Variants in PHLPP2 observed in about 807,000 individuals in gnomAD.
PHLPP2 encodes PH domain leucine-rich repeat-containing protein phosphatase 2.
A neutral mutation model predicts 124.9 loss-of-function variants in PHLPP2; 66 were observed. That is an observed-to-expected ratio of 0.53 (90% CI 0.43 to 0.65). The LOEUF (loss-of-function observed/expected upper bound fraction) is 0.65. Ranked by LOEUF, PHLPP2 falls within the 30% of genes least tolerant of loss-of-function variation. PHLPP2 has a pLI of 0.00. For synonymous variants in PHLPP2, 681 were observed against 624.7 expected (o/e 1.09, Z -1.34); for missense variants, 1,685 against 1,600.4 (o/e 1.05, Z -0.90).
Position 71,649,706 on chromosome 16 carries a change from A to C in PHLPP2, c.3156T>G (p.Pro1052=), listed in dbSNP as rs775530751. Residue 1052 remains proline, a synonymous_variant, in exon 19 of 19, where the codon CCT becomes CCG. Coordinates refer to ENST00000568954, the MANE Select transcript of PHLPP2 (RefSeq NM_015020.3). ...TAGTGGTGGTTGAAGCAAATCCCAC[A>C]GGACCTGGGAGGGTGAGCCCATTCA... The part of the protein sequence containing the change: ...CEMNGLTLPG[P]VGFASTTTIK... The C allele has an allele frequency of 6.2e-7, 1 of 1,614,204 alleles. No individual in the cohort carries two copies. The highest frequency in any genetic ancestry group is 8.5e-7 in the Non-Finnish European group (1 of 1,180,006).
intron 16 of PHLPP2, 96 bp from the exon 17 acceptor site, chr16:71,655,530 T>C: frequency 2.4e-6 from 2 of 823,724 alleles, no homozygotes; most frequent in South Asian, 1.8e-5. Context: ...TGAGAGGGAG[T>C]CTTGCACTGT....
At chr16:71,722,164 G>A (rs1009070895) in intron 1 of PHLPP2, among the ~76,000 whole-genome samples, 3 of 152,128 alleles carry the variant, frequency 2.0e-5, no homozygotes, top group African/African-American at 4.8e-5. Flanking sequence ...GGGCGTGGTG[G>A]CTCATCCTTG....
chr16:71,648,694 C>A lies in PHLPP2; in HGVS notation c.*196G>T. ...GGCTGAGACAGGAGAATGGCTTGAA[C>A]CCAGGGACAGAGGCTGCAGTGACCC... On this transcript the variant is annotated 3_prime_UTR_variant, in exon 19 of 19. Coordinates refer to ENST00000568954, the MANE Select transcript of PHLPP2 (RefSeq NM_015020.3). 1 of 570,358 alleles carries A rather than the reference C, an allele frequency of 1.8e-6. No individual in the cohort carries two copies. Among genetic ancestry groups the A allele is most frequent in the Non-Finnish European group, 3.1e-6 (1 of 321,894 alleles). The allele number at this position is 570,358 out of a possible 1,614,324, so 35.3% of individuals were successfully genotyped here. A position where few individuals can be genotyped will look rare whatever the true frequency, so the allele number is the denominator to read the frequency against.
chr16:71,720,914 G>T (rs2045394518), intron 1 of PHLPP2, among the ~76,000 whole-genome samples: 3 of 151,358 alleles, frequency 2.0e-5, no homozygotes, highest in Admixed American at 2.0e-4. Context: ...TTAGGTAGAA[G>T]ATGTTTCTGC....
intron 17 of PHLPP2, 167 bp downstream of exon 17, chr16:71,655,073 C>T (rs1491003974): frequency 1.8e-6 from 1 of 561,006 alleles, no homozygotes; most frequent in East Asian, 2.8e-5. Flanking sequence ...TTGAAAGAGC[C>T]GAAGTCCCCG....
intron 9 of PHLPP2, among the ~76,000 whole-genome samples, chr16:71,674,104 C>T (rs1387911912): frequency 2.8e-5 from 4 of 144,252 alleles, no homozygotes; most frequent in African/African-American, 1.0e-4. Context: ...TGAGATGGAG[C>T]TTTGCTCTTG....
At position 71,647,417 on chromosome 16, in the gene PHLPP2, A is replaced by G. The variant is rs1317823961; in HGVS notation, c.*1473T>C. 6.6e-6 allele frequency: 1 copy of G among 152,636 alleles called. No homozygotes were observed. The highest frequency in any genetic ancestry group is 1.5e-5 in the Non-Finnish European group (1 of 68,030). 9.5% of individuals were successfully genotyped at this position (152,636 alleles called of 1,614,324 possible). A position where few individuals can be genotyped will look rare whatever the true frequency, so the allele number is the denominator to read the frequency against. On this transcript the variant is annotated 3_prime_UTR_variant, in exon 19 of 19. Coordinates refer to ENST00000568954, the MANE Select transcript of PHLPP2 (RefSeq NM_015020.3). The stretch of plus-strand genomic sequence containing the variant: ...CACATAAAGTGAATATGCAGTTTTC[A>G]GAAGAGTACACTGTTCAACATTCAA...
intron 4 of PHLPP2, among the ~76,000 whole-genome samples, chr16:71,688,284 T>C (rs542823902): frequency 2.0e-5 from 3 of 152,348 alleles, no homozygotes; most frequent in Admixed American, 1.3e-4. Flanking sequence ...ATTGCTACCC[T>C]GAACAAAATT....
At chr16:71,701,306 ATCTATCTATATATC>A in intron 3 of PHLPP2, among the ~76,000 whole-genome samples, 1 of 89,694 alleles carries the variant, frequency 1.1e-5, no homozygotes, top group African/African-American at 4.5e-5. Flanking sequence ...CTATCTATCT[ATCTATCTATATATC>A]TATCTACCTA....
intron 3 of PHLPP2, among the ~76,000 whole-genome samples, 200 bp downstream of exon 3, chr16:71,702,396 TAA>T (rs2045240773): frequency 6.6e-6 from 1 of 152,112 alleles, no homozygotes; most frequent in South Asian, 2.1e-4. Context: ...TGAGCAAAAA[TAA>T]AAAGAGAAGA....
chr16:71,684,125 C>CTTTTT (rs397816254), intron 5 of PHLPP2, among the ~76,000 whole-genome samples: 1 of 118,836 alleles, frequency 8.4e-6, no homozygotes, highest in Non-Finnish European at 1.7e-5. Context: ...TTGAGGTACT[C>CTTTTT]TTTTTTTTTT....
At chr16:71,661,056 CTTGTCT>C (rs1304806949) in intron 13 of PHLPP2, among the ~76,000 whole-genome samples, 1 of 145,156 alleles carries the variant, frequency 6.9e-6, no homozygotes, top group Non-Finnish European at 1.5e-5. Flanking sequence ...GATGTTAATT[CTTGTCT>C]TTGTCTTTTT....
Position 71,684,616 on chromosome 16 carries a change from G to A in PHLPP2, c.610-15C>T. 6.3e-7 allele frequency: 1 copy of A among 1,596,792 alleles called. No homozygotes were observed. Among genetic ancestry groups the A allele is most frequent in the African/African-American group, 1.3e-5 (1 of 74,374 alleles). ...ACTTCTTCTATCTGAAGAAGAGGAG[G>A]GGAGAAAACCAGAACCACTAAAAAA... On this transcript the variant is annotated splice_polypyrimidine_tract_variant and intron_variant, in intron 4 of 18. Transcript: ENST00000568954.
At chr16:71,677,077 T>C (rs1596999974) in intron 8 of PHLPP2, 4 of 193,046 alleles carry the variant, frequency 2.1e-5, no homozygotes, top group Non-Finnish European at 4.2e-5. Flanking sequence ...CTTAAGAATT[T>C]CACTACTCGC....
chr16:71,683,348 TCCTTGGCATA>T (rs1381075822), intron 5 of PHLPP2, among the ~76,000 whole-genome samples: 6 of 152,248 alleles, frequency 3.9e-5, no homozygotes, highest in Non-Finnish European at 7.3e-5. Flanking sequence ...AGACTAATTA[TCCTTGGCATA>T]TAGGAATAAT....
At chr16:71,723,679 C>T (rs1330152470) in intron 1 of PHLPP2, 4 of 549,542 alleles carry the variant, frequency 7.3e-6, no homozygotes, top group East Asian at 4.4e-5. Context: ...GGGGCGGGGG[C>T]GGCAGCGGCC....
At chr16:71,701,601 A>G (rs534734335) in intron 3 of PHLPP2, among the ~76,000 whole-genome samples, 1 of 152,316 alleles carries the variant, frequency 6.6e-6, no homozygotes, top group East Asian at 1.9e-4. Context: ...GTGGTAGGAA[A>G]AGTAGGGGCA....
Position 71,649,790 on chromosome 16 carries a change from G to C in PHLPP2, c.3072C>G (p.Asp1024Glu). 1 of 1,614,214 alleles carries C rather than the reference G, an allele frequency of 6.2e-7. No individual in the cohort carries two copies. ...AATAAACTACCATCGCCCCTACATT[G>C]TCCTGACAGCCATAGCTCTGCGCTA... ...CTLAQSYGCQ[D>E]NVGAMVVYLN... The change falls in exon 19 of 19, where the codon GAC becomes GAG. Residue 1024 changes from aspartate (D) to glutamate (E), a missense_variant. By Grantham distance (45) the Asp-to-Glu change is conservative. Coordinates refer to ENST00000568954, the MANE Select transcript of PHLPP2 (RefSeq NM_015020.3).
intron 10 of PHLPP2, among the ~76,000 whole-genome samples, chr16:71,669,602 T>C (rs1243268037): frequency 6.6e-6 from 1 of 152,210 alleles, no homozygotes; most frequent in Non-Finnish European, 1.5e-5. Context: ...GGATCAATTA[T>C]GTTGCATGCT....
Sources: gnomAD v4.1 joint callset for allele counts (sites outside exome capture counted in the v4.1 genomes callset) on GRCh38, gnomAD v4.1.1 for gene constraint, MANE v1.5 for transcripts, NCBI Gene and HGNC (gene_info 2026-07-23, HGNC 2026-07-21) for gene names.